Variants in SYT1 observed in about 807,000 individuals in gnomAD.
The protein encoded by SYT1 is synaptotagmin-1.
Under a neutral mutation model 44.8 loss-of-function variants are expected in SYT1, and 8 were observed. That is an observed-to-expected ratio of 0.18 (90% CI 0.10 to 0.32). The LOEUF (loss-of-function observed/expected upper bound fraction) is 0.32, where lower values mean the gene tolerates loss of function less well. Ranked by LOEUF, SYT1 falls within the 10% of genes least tolerant of loss-of-function variation. The pLI is 1.00. For missense variants in SYT1, 286 were observed against 509.3 expected (o/e 0.56, Z 4.22); for synonymous variants, 154 against 188.8 (o/e 0.82, Z 1.51).
chr12:79,199,346 C>T (rs1873645492), intron 3 of SYT1, among the ~76,000 whole-genome samples: 1 of 152,152 alleles, frequency 6.6e-6, no homozygotes, highest in Admixed American at 6.6e-5. Context: ...GATTTTGCAG[C>T]TACATGTTCC....
chr12:78,969,831 A>G (rs1205258202), intron 1 of SYT1, among the ~76,000 whole-genome samples: 1 of 152,114 alleles, frequency 6.6e-6, no homozygotes, highest in Non-Finnish European at 1.5e-5. Context: ...TTTTCACTGG[A>G]TATATTATAG....
At chr12:79,078,963 G>C (rs944272144) in intron 3 of SYT1, among the ~76,000 whole-genome samples, 1 of 152,090 alleles carries the variant, frequency 6.6e-6, no homozygotes, top group Non-Finnish European at 1.5e-5. Flanking sequence ...GCTATATTAA[G>C]AGGAAGAATT....
chr12:79,171,545 A>G (rs1489039132), intron 3 of SYT1, among the ~76,000 whole-genome samples: 1 of 152,062 alleles, frequency 6.6e-6, no homozygotes, highest in African/African-American at 2.4e-5. Flanking sequence ...TGACTTGTGT[A>G]TTATAAATAA....
intron 3 of SYT1, among the ~76,000 whole-genome samples, chr12:79,205,665 A>C (rs1840694054): frequency 6.6e-6 from 1 of 152,178 alleles, no homozygotes; most frequent in South Asian, 2.1e-4. Flanking sequence ...TCAGTACTTG[A>C]ATTTTCTCTT....
intron 3 of SYT1, among the ~76,000 whole-genome samples, chr12:79,138,194 A>G (rs535748556): frequency 8.5e-5 from 13 of 152,214 alleles, no homozygotes; most frequent in Non-Finnish European, 1.6e-4. Context: ...CCCATCTCAT[A>G]GTTCATGAAA....
At chr12:79,019,963 A>G (rs1349217146) in intron 2 of SYT1, among the ~76,000 whole-genome samples, 1 of 152,020 alleles carries the variant, frequency 6.6e-6, no homozygotes, top group African/African-American at 2.4e-5. Flanking sequence ...GAGCTAATGT[A>G]AAAACCTCAT....
chr12:79,445,988 G>GACATATATATATATATAT (rs1870687474), intron 10 of SYT1, among the ~76,000 whole-genome samples: 2 of 46,928 alleles, frequency 4.3e-5, no homozygotes, highest in African/African-American at 7.6e-5. Context: ...TTAATCCAAA[G>GACATATATATATATATAT]ACATATATAT....
chr12:79,376,896 T>G (rs1051325909), intron 9 of SYT1, among the ~76,000 whole-genome samples: 4 of 152,224 alleles, frequency 2.6e-5, no homozygotes, highest in African/African-American at 9.6e-5. Flanking sequence ...TTATAAATTG[T>G]AAATATATGA....
intron 3 of SYT1, among the ~76,000 whole-genome samples, chr12:79,156,442 C>CTGTTGTTGTTGT (rs34284800): frequency 7.0e-6 from 1 of 141,900 alleles, no homozygotes; most frequent in Non-Finnish European, 1.6e-5. Context: ...GTTGTTGCTG[C>CTGTTGTTGTTGT]TGTTGTTGTT....
intron 3 of SYT1, among the ~76,000 whole-genome samples, chr12:79,117,402 A>G (rs1879333434): frequency 6.6e-6 from 1 of 151,850 alleles, no homozygotes; most frequent in South Asian, 2.1e-4. Context: ...TTTCAATTTC[A>G]GAAGGAGCAA....
chr12:78,913,248 T>C (rs1433557199), intron 1 of SYT1, among the ~76,000 whole-genome samples: 1 of 151,358 alleles, frequency 6.6e-6, no homozygotes, highest in Non-Finnish European at 1.5e-5. Flanking sequence ...TTTGCATCAA[T>C]CTACACTCAT....
chr12:79,017,550 C>T (rs1407198868), intron 2 of SYT1, among the ~76,000 whole-genome samples: 1 of 151,988 alleles, frequency 6.6e-6, no homozygotes, highest in Non-Finnish European at 1.5e-5. Context: ...GGGTTGTGAG[C>T]AATGTGTGTG....
chr12:79,347,959 A>G (rs1371306354), intron 8 of SYT1, among the ~76,000 whole-genome samples: 1 of 152,178 alleles, frequency 6.6e-6, no homozygotes, highest in Non-Finnish European at 1.5e-5. Flanking sequence ...GAAACAATTC[A>G]TACCAGTATC....
intron 2 of SYT1, among the ~76,000 whole-genome samples, chr12:78,980,101 T>A (rs1176700116): frequency 6.6e-6 from 1 of 152,152 alleles, no homozygotes; most frequent in Non-Finnish European, 1.5e-5. Flanking sequence ...AATAAGAATA[T>A]TTTCTCAGTG....
chr12:79,424,865 C>G (rs1338659582), intron 9 of SYT1, among the ~76,000 whole-genome samples: 1 of 150,762 alleles, frequency 6.6e-6, no homozygotes, highest in Non-Finnish European at 1.5e-5. Flanking sequence ...ATTTGTTATC[C>G]ATTAATCATT....
chr12:79,160,871 A>C (rs1182891063), intron 3 of SYT1, among the ~76,000 whole-genome samples: 3 of 152,148 alleles, frequency 2.0e-5, no homozygotes, highest in Non-Finnish European at 4.4e-5. Flanking sequence ...TATACTTAGC[A>C]GAAGTCATGT....
At chr12:79,077,227 A>G (rs950357804) in intron 3 of SYT1, among the ~76,000 whole-genome samples, 45 of 152,162 alleles carry the variant, frequency 3.0e-4, no homozygotes, top group Non-Finnish European at 1.9e-4. Flanking sequence ...CAACATTGCT[A>G]TATTCCTTCC....
chr12:78,998,510 A>G (rs1870524079), intron 2 of SYT1, among the ~76,000 whole-genome samples: 1 of 152,220 alleles, frequency 6.6e-6, no homozygotes, highest in South Asian at 2.1e-4. Flanking sequence ...TAGGGCCTGC[A>G]CATGGAGGCG....
intron 1 of SYT1, among the ~76,000 whole-genome samples, chr12:78,953,309 C>T (rs538085807): frequency 1.3e-5 from 2 of 152,220 alleles, no homozygotes; most frequent in South Asian, 4.1e-4. Context: ...TCAAAATGAA[C>T]ATTCCCTCTT....
Sources: gnomAD v4.1 joint callset for allele counts (sites outside exome capture counted in the v4.1 genomes callset) on GRCh38, gnomAD v4.1.1 for gene constraint, MANE v1.5 for transcripts, NCBI Gene and HGNC (gene_info 2026-07-23, HGNC 2026-07-21) for gene names.